Variants in MTMR2 observed in about 807,000 individuals in gnomAD.
The protein encoded by MTMR2 is myotubularin related protein 2, also known as phosphatidylinositol-3,5-bisphosphate 3-phosphatase MTMR2.
MTMR2 carries 55 observed loss-of-function variants against 86.9 expected under a neutral mutation model. The observed-to-expected ratio is 0.63, with a 90% CI of 0.51 to 0.79. The LOEUF is 0.79. Ranked by LOEUF, MTMR2 falls within the 30% of genes least tolerant of loss-of-function variation. The pLI, the probability that MTMR2 is intolerant of heterozygous loss-of-function variation, is 0.00. For missense variants in MTMR2, 659 were observed against 772.3 expected (o/e 0.85, Z 1.74); for synonymous variants, 241 against 266.8 (o/e 0.90, Z 0.94).
rs1319029908 is a variant in MTMR2, at chr11:95,849,827, T to C, written c.840A>G (p.Thr280=). ...LSWIHPESQA[T]ITRCSQPMVG... ...CCATGGGCTGGCTACACCGAGTGAT[T>C]GTGGCTTGACTTTCAGGATGAATCC... is the stretch of plus-strand genomic sequence containing the variant. Residue 280 remains threonine (T), a synonymous_variant, in exon 9 of 15, where the codon ACA becomes ACG. Transcript: ENST00000346299. 2.5e-6 allele frequency: 4 copies of C among 1,614,146 alleles called. No homozygotes were observed. Among genetic ancestry groups the C allele is most frequent in the Non-Finnish European group, 3.4e-6 (4 of 1,179,992 alleles).
chr11:95,867,270 G>GTA (rs1864650251), intron 2 of MTMR2, among the ~76,000 whole-genome samples: 1 of 152,166 alleles, frequency 6.6e-6, no homozygotes, highest in Admixed American at 6.5e-5. Flanking sequence ...TATTGCATAT[G>GTA]TATACCTTCT....
rs1417323734 is a variant in MTMR2, at chr11:95,857,684, G to A, written c.571-49C>T. 4 of 1,252,108 alleles carry A rather than the reference G, an allele frequency of 3.2e-6. No individual in the cohort carries two copies. The South Asian group carries it at 4.8e-5, about 15-fold the overall frequency. The allele number at this position is 1,252,108 out of a possible 1,614,324, so 77.6% of individuals were successfully genotyped here. ...AGAGCTAAAAAAGATATTCACAAAGGTAATGAATCAGAAATGTATCCATAT... is the reference window on the plus strand; with the variant it reads ...AGAGCTAAAAAAGATATTCACAAAGATAATGAATCAGAAATGTATCCATAT... On this transcript the variant is annotated intron_variant, in intron 6 of 14. Transcript: ENST00000346299.
chr11:95,908,274 G>C (rs2135599646), intron 1 of MTMR2, among the ~76,000 whole-genome samples: 1 of 152,042 alleles, frequency 6.6e-6, no homozygotes, highest in East Asian at 1.9e-4. Context: ...TAGGAATACA[G>C]GTAACCAGGA....
chr11:95,923,572 AG>A (rs1278692904), intron 1 of MTMR2: 1 of 884,730 alleles, frequency 1.1e-6, no homozygotes, highest in African/African-American at 1.7e-5. Flanking sequence ...GTCTTAAAAA[AG>A]GTTTGAGAGG....
intron 1 of MTMR2, chr11:95,907,924 CT>C: frequency 2.4e-6 from 1 of 420,040 alleles, no homozygotes; most frequent in Non-Finnish European, 4.7e-6. Flanking sequence ...AAGTATTCCC[CT>C]TAAGAAACAG....
chr11:95,914,504 AC>A (rs1866628646), intron 1 of MTMR2, among the ~76,000 whole-genome samples: 2 of 151,998 alleles, frequency 1.3e-5, no homozygotes, highest in South Asian at 4.1e-4. Flanking sequence ...TACCGATACT[AC>A]CCTCTTAATC....
chr11:95,865,749 G>C (rs1220719452), intron 2 of MTMR2, 73 bp from the exon 3 acceptor site: 3 of 1,224,436 alleles, frequency 2.5e-6, no homozygotes, highest in African/African-American at 3.0e-5. Flanking sequence ...TTTCAACTGA[G>C]TATACTTGCT....
chr11:95,899,883 C>T lies in MTMR2; in HGVS notation c.81-11622G>A, dbSNP rs573760909. Among the ~76,000 whole-genome samples the T allele has an allele frequency of 1.2e-4, 18 of 152,226 alleles. 1 individual carries two copies. The South Asian group carries it at 3.5e-3, about 30-fold the overall frequency. On this transcript the variant is annotated intron_variant, in intron 1 of 14. Coordinates refer to ENST00000346299, the MANE Select transcript of MTMR2 (RefSeq NM_016156.6). ...CAAGCTATGTTCCGTGAATAAACCT[C>T]GATACCATGCTAAAAATCCAGATTA...
rs2135659936 is a variant in MTMR2 at position 95,923,931 on chromosome 11, C to G, written c.24G>C (p.Glu8Asp). 2 of 1,561,210 alleles carry G rather than the reference C, an allele frequency of 1.3e-6. No homozygotes were observed. The highest frequency in any genetic ancestry group is 1.7e-6 in the Non-Finnish European group (2 of 1,152,246). The change falls in exon 1 of 15, where the codon GAG becomes GAC. Residue 8 changes from glutamate to aspartate, a missense_variant. Physicochemically the swap from Glu to Asp is conservative, Grantham distance 45. Transcript: ENST00000346299. MEKSSSC[E>D]SLGSQPAAAR... Reference sequence around the variant, plus strand: ...CCGCCGCCGGCTGGGAGCCAAGACTCTCGCAGCTCGAGCTCTTCTCCATCG... The same window carrying G: ...CCGCCGCCGGCTGGGAGCCAAGACTGTCGCAGCTCGAGCTCTTCTCCATCG...
chr11:95,916,680 AAC>A (rs1322517492), intron 1 of MTMR2, among the ~76,000 whole-genome samples: 4 of 152,180 alleles, frequency 2.6e-5, no homozygotes, highest in African/African-American at 9.6e-5. Context: ...TTTTCCAAAT[AAC>A]AGTGTTTAAA....
chr11:95,878,184 C>A, intron 2 of MTMR2, among the ~76,000 whole-genome samples: 1 of 145,202 alleles, frequency 6.9e-6, no homozygotes, highest in African/African-American at 2.6e-5. Flanking sequence ...TGAAAGAAGC[C>A]ACTCTGAAAA....
chr11:95,860,692 C>G (rs1337094344), intron 5 of MTMR2, among the ~76,000 whole-genome samples: 1 of 152,092 alleles, frequency 6.6e-6, no homozygotes, highest in African/African-American at 2.4e-5. Context: ...GTTAATTAGG[C>G]CTTAATAACA....
At chr11:95,878,231 T>G (rs1047750595) in intron 2 of MTMR2, among the ~76,000 whole-genome samples, 1 of 148,800 alleles carries the variant, frequency 6.7e-6, no homozygotes, top group Non-Finnish European at 1.5e-5. Flanking sequence ...CATGACATTC[T>G]GGAAAAGGCA....
chr11:95,883,700 A>C (rs964438085), intron 2 of MTMR2, among the ~76,000 whole-genome samples: 2 of 152,226 alleles, frequency 1.3e-5, no homozygotes, highest in Admixed American at 6.5e-5. Flanking sequence ...AGTTCAAGAT[A>C]TATCTAGACT....
At chr11:95,857,340 T>C (rs1056779025) in intron 7 of MTMR2, among the ~76,000 whole-genome samples, 1 of 152,066 alleles carries the variant, frequency 6.6e-6, no homozygotes, top group Non-Finnish European at 1.5e-5. Context: ...AGTAATGCAG[T>C]ATAGGGACTC....
At chr11:95,868,464 GTT>G (rs930245035) in intron 2 of MTMR2, among the ~76,000 whole-genome samples, 4 of 151,812 alleles carry the variant, frequency 2.6e-5, no homozygotes, top group Non-Finnish European at 4.4e-5. Flanking sequence ...AATTGCATTG[GTT>G]ATTCAGAAAA....
rs869076328 is a variant in MTMR2 at position 95,877,363 on chromosome 11, T to TTTA, written c.186+10792_186+10793insTAA. Among the ~76,000 whole-genome samples the TTTA allele has an allele frequency of 1.8e-4, 26 of 142,682 alleles. 1 individual carries two copies. The highest frequency in any genetic ancestry group is 3.5e-4 in the Admixed American group (5 of 14,298). 93.6% of individuals were successfully genotyped at this position (142,682 alleles called of 152,430 possible). A position where few individuals can be genotyped will look rare whatever the true frequency, so the allele number is the denominator to read the frequency against. ...TTTTTTTTTTTTTTTTTTTTTTTTT[T>TTTA]ATATAACACAGTCAGGGACATTTTG... On this transcript the variant is annotated intron_variant, in intron 2 of 14. Coordinates refer to ENST00000346299, the MANE Select transcript of MTMR2 (RefSeq NM_016156.6).
intron 2 of MTMR2, among the ~76,000 whole-genome samples, chr11:95,867,703 GA>G (rs1864666608): frequency 6.6e-6 from 1 of 151,314 alleles, no homozygotes; most frequent in South Asian, 2.1e-4. Context: ...GCACTCAAGT[GA>G]ACAGAACAGG....
At chr11:95,882,506 A>AATAAC (rs1865364806) in intron 2 of MTMR2, 4 of 150,094 alleles carry the variant, frequency 2.7e-5, no homozygotes, top group Admixed American at 2.6e-4. Flanking sequence ...TCTAAAATAA[A>AATAAC]ATAAAATAAA....
Sources: gnomAD v4.1 joint callset for allele counts (sites outside exome capture counted in the v4.1 genomes callset) on GRCh38, gnomAD v4.1.1 for gene constraint, MANE v1.5 for transcripts, NCBI Gene and HGNC (gene_info 2026-07-23, HGNC 2026-07-21) for gene names.